Variants in ADAMTSL1 observed in about 807,000 individuals in gnomAD.
ADAMTSL1 encodes ADAMTS like 1.
A neutral mutation model predicts 201.8 loss-of-function variants in ADAMTSL1; 126 were observed. The ratio of observed to expected loss-of-function variants is 0.62; its 90% CI spans 0.54 to 0.72. The LOEUF is 0.72. Ranked by LOEUF, ADAMTSL1 falls within the 30% of genes least tolerant of loss-of-function variation. ADAMTSL1 has a pLI of 0.00. For missense variants in ADAMTSL1, 2,679 were observed against 2,277.8 expected, an observed-to-expected ratio of 1.18 and a Z score of -3.59; for synonymous variants, 1,121 against 903.4, an observed-to-expected ratio of 1.24 and a Z score of -4.32.
intron 2 of ADAMTSL1, among the ~76,000 whole-genome samples, chr9:18,239,643 G>T (rs1043603022): frequency 1.3e-5 from 2 of 152,116 alleles, no homozygotes; most frequent in Non-Finnish European, 2.9e-5. Context: ...AGCTACTCGG[G>T]AGGCTGAGGC....
At chr9:18,695,172 C>T (rs1831477211) in intron 13 of ADAMTSL1, among the ~76,000 whole-genome samples, 2 of 152,240 alleles carry the variant, frequency 1.3e-5, no homozygotes, top group African/African-American at 4.8e-5. Flanking sequence ...GCCTCCAGGC[C>T]TGTGATAGGA....
intron 19 of ADAMTSL1, among the ~76,000 whole-genome samples, chr9:18,794,503 T>A (rs1168950059): frequency 1.8e-4 from 27 of 152,134 alleles, no homozygotes; most frequent in Admixed American, 1.8e-3. Context: ...TATATATGAC[T>A]ACACAGCGGC....
intron 1 of ADAMTSL1, among the ~76,000 whole-genome samples, chr9:18,006,535 G>A (rs971121339): frequency 9.9e-5 from 15 of 151,878 alleles, no homozygotes; most frequent in African/African-American, 3.6e-4. Context: ...TGGGTAAATC[G>A]ATAAATTGAT....
intron 16 of ADAMTSL1, among the ~76,000 whole-genome samples, chr9:18,757,207 TGTTA>T (rs1033219125): frequency 5.9e-5 from 9 of 152,334 alleles, no homozygotes; most frequent in South Asian, 2.1e-4. Context: ...TTTAATATCT[TGTTA>T]GTTTATATTT....
intron 4 of ADAMTSL1, among the ~76,000 whole-genome samples, chr9:18,615,163 G>A (rs569790243): frequency 2.0e-5 from 3 of 152,236 alleles, no homozygotes; most frequent in Admixed American, 6.5e-5. Flanking sequence ...CCACCTTTGC[G>A]AATTACTGGA....
chr9:18,546,244 C>G (rs1820458724), intron 3 of ADAMTSL1, among the ~76,000 whole-genome samples: 2 of 152,050 alleles, frequency 1.3e-5, no homozygotes, highest in Admixed American at 6.6e-5. Flanking sequence ...TGGGTTTCAA[C>G]TCAGTTGAGA....
At chr9:18,188,613 G>A (rs187705105) in intron 2 of ADAMTSL1, among the ~76,000 whole-genome samples, 3 of 152,202 alleles carry the variant, frequency 2.0e-5, no homozygotes, top group Admixed American at 6.6e-5. Flanking sequence ...TTAGAGCTGC[G>A]CCATTAGGTG....
chr9:18,336,135 C>T (rs1442264008), intron 2 of ADAMTSL1, among the ~76,000 whole-genome samples: 3 of 152,082 alleles, frequency 2.0e-5, no homozygotes, highest in Non-Finnish European at 4.4e-5. Flanking sequence ...ATTGAGTTTA[C>T]ATAAATCCTG....
At chr9:18,279,979 A>G (rs1042472390) in intron 2 of ADAMTSL1, among the ~76,000 whole-genome samples, 58 of 152,244 alleles carry the variant, frequency 3.8e-4, no homozygotes, top group East Asian at 5.8e-4. Flanking sequence ...CTTTTGGGGC[A>G]ATCTGGAACC....
At chr9:18,203,040 C>T (rs542195622) in intron 2 of ADAMTSL1, among the ~76,000 whole-genome samples, 1 of 152,252 alleles carries the variant, frequency 6.6e-6, no homozygotes, top group South Asian at 2.1e-4. Flanking sequence ...CCCCAAGTGT[C>T]AGGTAGCCAC....
intron 2 of ADAMTSL1, among the ~76,000 whole-genome samples, chr9:18,528,894 T>C (rs1355051893): frequency 6.6e-6 from 1 of 152,198 alleles, no homozygotes; most frequent in East Asian, 1.9e-4. Context: ...AAATTTCAAA[T>C]GTTTGTTTTC....
At chr9:18,081,538 A>G (rs1203575609) in intron 1 of ADAMTSL1, among the ~76,000 whole-genome samples, 2 of 152,312 alleles carry the variant, frequency 1.3e-5, no homozygotes, top group African/African-American at 4.8e-5. Flanking sequence ...GGATCAGGGC[A>G]ATACTTTAAA....
chr9:18,299,919 C>T (rs60782133), intron 2 of ADAMTSL1, among the ~76,000 whole-genome samples: 19,907 of 152,216 alleles, frequency 0.13, 1,395 homozygotes, highest in East Asian at 0.2. Flanking sequence ...ATTGTATCAG[C>T]CTTCCTAGTA....
chr9:18,844,148 T>C (rs1825928013), intron 23 of ADAMTSL1, among the ~76,000 whole-genome samples: 1 of 152,224 alleles, frequency 6.6e-6, no homozygotes, highest in African/African-American at 2.4e-5. Flanking sequence ...GCTCTGTTTT[T>C]TCCCTATCTT....
chr9:18,333,977 A>G (rs1835132123), intron 2 of ADAMTSL1, among the ~76,000 whole-genome samples: 2 of 152,274 alleles, frequency 1.3e-5, no homozygotes, highest in African/African-American at 2.4e-5. Flanking sequence ...TAGCTTCACA[A>G]GCAACCCAGA....
chr9:18,404,970 C>T (rs1818127889), intron 2 of ADAMTSL1, among the ~76,000 whole-genome samples: 1 of 152,118 alleles, frequency 6.6e-6, no homozygotes, highest in Non-Finnish European at 1.5e-5. Flanking sequence ...TTTAGTCTGC[C>T]ATTGAGTCTG....
intron 2 of ADAMTSL1, among the ~76,000 whole-genome samples, chr9:18,301,635 G>A (rs1315914321): frequency 2.6e-5 from 4 of 152,032 alleles, no homozygotes; most frequent in East Asian, 3.9e-4. Flanking sequence ...TACTCTCCTC[G>A]CCTATTTTCG....
chr9:18,574,595 T>TTGTGTGTGTGTG (rs10650608), intron 4 of ADAMTSL1: 151 of 339,918 alleles, frequency 4.4e-4, no homozygotes, highest in South Asian at 1.9e-3. Flanking sequence ...GTGTTTGTGT[T>TTGTGTGTGTGTG]TGTGTGTGTG....
At chr9:18,187,742 A>G (rs1587266249) in intron 2 of ADAMTSL1, among the ~76,000 whole-genome samples, 1 of 152,254 alleles carries the variant, frequency 6.6e-6, no homozygotes, top group South Asian at 2.1e-4. Flanking sequence ...AGAAGGAAGG[A>G]TGGCAGAAAA....
Sources: allele counts gnomAD v4.1 joint callset (sites outside exome capture counted in the v4.1 genomes callset), GRCh38; gene constraint gnomAD v4.1.1; transcripts MANE v1.5; gene names NCBI Gene and HGNC (gene_info 2026-07-23, HGNC 2026-07-21).